Variants in COL12A1 observed in about 807,000 individuals in gnomAD.
COL12A1 encodes the protein collagen type XII alpha 1 chain, also known as collagen alpha-1(XII) chain.
In COL12A1, 114 loss-of-function variants were observed where a neutral mutation model predicts 349.7. The observed-to-expected ratio is 0.33, with a 90% CI of 0.28 to 0.38. COL12A1 has a LOEUF of 0.38. Ranked by LOEUF, COL12A1 falls within the 10% of genes least tolerant of loss-of-function variation. The pLI, the probability that COL12A1 is intolerant of heterozygous loss-of-function variation, is 1.00. For missense variants in COL12A1, 3,284 were observed against 3,756.9 expected, an observed-to-expected ratio of 0.87 and a Z score of 3.29; for synonymous variants, 1,369 against 1,329.0, an observed-to-expected ratio of 1.03 and a Z score of -0.66.
intron 13 of COL12A1, among the ~76,000 whole-genome samples, chr6:75,169,740 G>A (rs1768526579): frequency 6.6e-6 from 1 of 152,118 alleles, no homozygotes; most frequent in South Asian, 2.1e-4. Flanking sequence ...CATCTACAAT[G>A]ATGATATTCC....
chr6:75,192,936 C>T (rs1233862620), intron 3 of COL12A1, among the ~76,000 whole-genome samples: 4 of 152,188 alleles, frequency 2.6e-5, no homozygotes, highest in East Asian at 1.9e-4. Context: ...GTCCAGTATA[C>T]TAGGTGTTTA....
chr6:75,116,678 G>A (rs1440482161), intron 47 of COL12A1, among the ~76,000 whole-genome samples: 5 of 152,014 alleles, frequency 3.3e-5, no homozygotes, highest in African/African-American at 4.8e-5. Flanking sequence ...CAGAGTTCTT[G>A]TTTTTAAAAT....
At chr6:75,103,661 G>A in intron 55 of COL12A1, 96 bp downstream of exon 55, 1 of 962,052 alleles carries the variant, frequency 1.0e-6, no homozygotes, top group Non-Finnish European at 1.6e-6. Context: ...AACCTGAGCT[G>A]ACTTGCTCAA....
chr6:75,095,830 C>T (rs1767998466), intron 59 of COL12A1, among the ~76,000 whole-genome samples: 1 of 150,844 alleles, frequency 6.6e-6, no homozygotes, highest in African/African-American at 2.4e-5. Context: ...AAGCAATTCC[C>T]TTTTTTTTTA....
rs200487396 is a variant in COL12A1, at chr6:75,131,984, G to A, written c.5893C>T (p.Arg1965Cys). 2.8e-4 allele frequency: 444 copies of A among 1,614,114 alleles called. 1 individual carries two copies. Among genetic ancestry groups the A allele is most frequent in the Non-Finnish European group, 3.5e-4 (410 of 1,179,994 alleles). ...DPAPGPVLQYRVVYSPVDGTR... is the reference protein window; with the variant it reads ...DPAPGPVLQYCVVYSPVDGTR... ...CCATCCACAGGAGAATACACAACGC[G>A]ATATTGCAGCACAGGTCCTGGAGCA... The change falls in exon 35 of 66, where the codon CGC becomes TGC. Residue 1965 changes from arginine (R) to cysteine (C), a missense_variant. Arg to Cys is a radical substitution (Grantham distance 180). Coordinates refer to ENST00000322507, the MANE Select transcript of COL12A1 (RefSeq NM_004370.6).
chr6:75,124,531 G>T (rs1340983226), intron 40 of COL12A1, among the ~76,000 whole-genome samples, 160 bp from the exon 41 acceptor site: 1 of 152,062 alleles, frequency 6.6e-6, no homozygotes. Flanking sequence ...ATTTAAAAAT[G>T]TGGTACTGCC....
At position 75,146,317 on chromosome 6, in the gene COL12A1, T is replaced by C. The variant is rs1209656440; in HGVS notation, c.4418-73A>G. The C allele has an allele frequency of 4.2e-6, 6 of 1,437,028 alleles. No homozygotes were observed. The South Asian group carries it at 9.1e-5, about 22-fold the overall frequency. The allele number at this position is 1,437,028 out of a possible 1,614,324, so 89.0% of individuals were successfully genotyped here. A position where few individuals can be genotyped will look rare whatever the true frequency, so the allele number is the denominator to read the frequency against. The stretch of plus-strand genomic sequence containing the variant: ...CTCATTTTTAACCATTGTTTTGTAC[T>C]CAATTATTGATATTTGTATATACTA... On this transcript the variant is annotated intron_variant, in intron 23 of 65. Transcript: ENST00000322507.
chr6:75,106,567 T>C (rs1483103417), intron 52 of COL12A1, 71 bp from the exon 53 acceptor site: 1 of 1,351,130 alleles, frequency 7.4e-7, no homozygotes, highest in Non-Finnish European at 1.1e-6. Flanking sequence ...TTCCACATTT[T>C]AACATTGCCA....
rs59844830 is a variant in COL12A1, at chr6:75,085,406, GCACA to G, written c.*1137_*1140del. 5.2e-5 allele frequency: 22 copies of G among 424,056 alleles called. No homozygotes were observed. Among genetic ancestry groups the G allele is most frequent in the African/African-American group, 2.4e-4 (12 of 49,252 alleles). The allele number at this position is 424,056 out of a possible 1,614,324, so 26.3% of individuals were successfully genotyped here. A position where few individuals can be genotyped will look rare whatever the true frequency, so the allele number is the denominator to read the frequency against. The stretch of plus-strand genomic sequence containing the variant: ...TTACAATTATGGCATGATTTGGAAG[GCACA>G]CACACACACACACAGCAAAAGCTAA... On this transcript the variant is annotated 3_prime_UTR_variant, in exon 66 of 66. Transcript: ENST00000322507.
chr6:75,146,883 T>C (rs1767221048), intron 23 of COL12A1, among the ~76,000 whole-genome samples: 1 of 152,218 alleles, frequency 6.6e-6, no homozygotes, highest in Non-Finnish European at 1.5e-5. Flanking sequence ...TATAAAGGGA[T>C]ATAAGAGAAG....
chr6:75,097,223 G>T, intron 59 of COL12A1, 30 bp downstream of exon 59: 3 of 1,605,766 alleles, frequency 1.9e-6, no homozygotes, highest in Non-Finnish European at 2.6e-6. Flanking sequence ...GGAGTGAAGG[G>T]CACAAAAATG....
chr6:75,090,044 C>T lies in COL12A1; in HGVS notation c.8941+66G>A. On this transcript the variant is annotated intron_variant, in intron 63 of 65. Transcript: ENST00000322507. This position sits in a 1 kb window ranked among gnomAD's most constrained non-coding sequence, Gnocchi z 4.1. ...TAGGTCACCTTTCAGATGCCTTCAA[C>T]CTGTCCCAACTCCTACATTTGCAAA... 3 of 1,565,518 alleles carry T rather than the reference C, an allele frequency of 1.9e-6. No homozygotes were observed. Among genetic ancestry groups the T allele is most frequent in the Non-Finnish European group, 2.6e-6 (3 of 1,143,980 alleles).
intron 30 of COL12A1, 23 bp from the exon 31 acceptor site, chr6:75,137,602 C>T: frequency 1.2e-6 from 2 of 1,613,222 alleles, no homozygotes; most frequent in Non-Finnish European, 1.7e-6. Flanking sequence ...TGTTGAAAAA[C>T]TGAGTAAGCA....
At position 75,091,520 on chromosome 6, in the gene COL12A1, T is replaced by G. The variant is rs751804493; in HGVS notation, c.8655A>C (p.Pro2885=). 19 of 1,611,716 alleles carry G rather than the reference T, an allele frequency of 1.2e-5. No individual in the cohort carries two copies. Among genetic ancestry groups the G allele is most frequent in the Admixed American group, 1.0e-4 (6 of 60,000 alleles). Residue 2885 remains proline (P), a synonymous_variant, in exon 61 of 66, where the codon CCA becomes CCC. Coordinates refer to ENST00000322507, the MANE Select transcript of COL12A1 (RefSeq NM_004370.6). ...GKPGDHGRPG[P]SGLKGEKGDR... is the part of the protein sequence containing the mutation. ...CACCTTTTTCTCCTTTCAACCCAGA[T>G]GGACCCTGAAAAATATGAATTACAT...
intron 2 of COL12A1, among the ~76,000 whole-genome samples, chr6:75,201,889 G>C (rs1421566668): frequency 1.3e-5 from 2 of 152,194 alleles, no homozygotes; most frequent in Non-Finnish European, 2.9e-5. Context: ...AACCCATCTC[G>C]GAGCGCCCCA....
rs569153609 is a variant in COL12A1 at position 75,130,591 on chromosome 6, A to G, written c.6067+261T>C. 2.6e-5 allele frequency among the ~76,000 whole-genome samples: 4 copies of G among 152,328 alleles called. No homozygotes were observed. In the East Asian group the frequency reaches 7.7e-4, roughly 29 times the overall value. ...CTGCAGAGTAGAAAGAGGGAAAAAA[A>G]GAAGATACAGAGCAGAAGAGGGGAA... On this transcript the variant is annotated intron_variant, in intron 36 of 65. Coordinates refer to ENST00000322507, the MANE Select transcript of COL12A1 (RefSeq NM_004370.6).
In COL12A1 at chr6:75,119,155, G is replaced by A; in HGVS notation, c.7242C>T (p.Val2414=). The change falls in exon 46 of 66, where the codon GTC becomes GTT. Residue 2414 remains valine (V), a synonymous_variant. Coordinates refer to ENST00000322507, the MANE Select transcript of COL12A1 (RefSeq NM_004370.6). ...GKALTFIKEK[V]LTWESGMRKN... is the part of the protein sequence containing the mutation. ...TCCTCATGCCGCTCTCCCAAGTCAA[G>A]ACTTTCTCCTTGATAAACGTGAGGG... The A allele has an allele frequency of 6.2e-7, 1 of 1,613,882 alleles. No homozygotes were observed. The highest frequency in any genetic ancestry group is 8.5e-7 in the Non-Finnish European group (1 of 1,179,892).
At chr6:75,128,538 T>G in intron 37 of COL12A1, 113 bp from the exon 38 acceptor site, 1 of 874,124 alleles carries the variant, frequency 1.1e-6, no homozygotes. Flanking sequence ...TTTCACATTT[T>G]ATTTTTGTTA....
intron 49 of COL12A1, among the ~76,000 whole-genome samples, chr6:75,115,198 T>G (rs1769017387): frequency 6.6e-6 from 1 of 152,136 alleles, no homozygotes; most frequent in African/African-American, 2.4e-5. Context: ...TTCCATAAAT[T>G]GGCAAACATA....
Sources: allele counts gnomAD v4.1 joint callset (sites outside exome capture counted in the v4.1 genomes callset), GRCh38; gene constraint gnomAD v4.1.1; non-coding constraint Gnocchi (gnomAD v3.1); transcripts MANE v1.5; gene names NCBI Gene and HGNC (gene_info 2026-07-23, HGNC 2026-07-21).